The following ZNF329 variants were observed in gnomAD, a reference collection of about 807,000 sequenced individuals.
ZNF329 encodes the protein zinc finger protein 329.
A neutral mutation model predicts 26.6 loss-of-function variants in ZNF329; 15 were observed. The ratio of observed to expected loss-of-function variants is 0.56; its 90% CI spans 0.38 to 0.87. The LOEUF is 0.87. ZNF329 is among the 40% of genes least tolerant of loss of function. ZNF329 has a pLI of 0.00. For synonymous variants in ZNF329, 239 were observed against 233.5 expected (o/e 1.02, Z -0.21); for missense variants, 651 against 651.9 (o/e 1.00, Z 0.02).
At chr19:58,146,089 T>TAGGA (rs2146122504) in intron 1 of ZNF329, among the ~76,000 whole-genome samples, 1 of 151,384 alleles carries the variant, frequency 6.6e-6, no homozygotes, top group South Asian at 2.1e-4. Context: ...GGATCCTGGA[T>TAGGA]TGGATCCTGG....
chr19:58,148,265 G>T (rs551180564), intron 1 of ZNF329, among the ~76,000 whole-genome samples: 2 of 150,686 alleles, frequency 1.3e-5, no homozygotes, highest in South Asian at 4.1e-4. Context: ...GCGGAAGGCC[G>T]CAGGGTCCTC....
upstream of ZNF329, among the ~76,000 whole-genome samples, chr19:58,154,491 T>G (rs1013514954): frequency 6.6e-6 from 1 of 152,192 alleles, no homozygotes; most frequent in Admixed American, 6.5e-5. Context: ...GCCTCTTCTT[T>G]CTGGTTGGTC....
chr19:58,135,965 C>T (rs557426717), intron 3 of ZNF329, among the ~76,000 whole-genome samples: 1 of 152,168 alleles, frequency 6.6e-6, no homozygotes. Context: ...CGCACGGTGG[C>T]TCATGCCTTG....
In ZNF329 at chr19:58,129,521, G is replaced by A; in HGVS notation, c.-8-10C>T. ...AATCTCATATCCCAAACTGCAAAAA[G>A]AAGAAAAATGCAGACTTAGGTATAT... On this transcript the variant is annotated splice_polypyrimidine_tract_variant and intron_variant, in intron 3 of 3. Transcript: ENST00000598312. The A allele has an allele frequency of 1.3e-6, 2 of 1,560,908 alleles. No homozygotes were observed. Among genetic ancestry groups the A allele is most frequent in the Admixed American group, 2.0e-5 (1 of 50,248 alleles).
upstream of ZNF329, among the ~76,000 whole-genome samples, chr19:58,153,174 A>G (rs1246816787): frequency 6.6e-6 from 1 of 152,016 alleles, no homozygotes; most frequent in Non-Finnish European, 1.5e-5. Context: ...CAGTGACAAG[A>G]TCTCAGCTCA....
At position 58,129,082 on chromosome 19, in the gene ZNF329, G is replaced by A. The variant is rs532147471; in HGVS notation, c.422C>T (p.Pro141Leu). 8.1e-6 allele frequency: 13 copies of A among 1,613,808 alleles called. No homozygotes were observed. In the African/African-American group the frequency reaches 1.1e-4, roughly 13 times the overall value. The change falls in exon 4 of 4, where the codon CCA becomes CTA. Residue 141 changes from proline (P) to leucine (L), a missense_variant. Transcript: ENST00000598312. Reference protein sequence around the residue: ...HSMEVIHGRNPVREKPYKYPE... With the variant: ...HSMEVIHGRNLVREKPYKYPE... ...GTATTTGTAGGGCTTCTCTCTCACT[G>A]GATTTCTTCCATGAATAACTTCCAT...
chr19:58,137,809 C>CAAAAA (rs72295173), intron 3 of ZNF329, among the ~76,000 whole-genome samples: 19 of 76,248 alleles, frequency 2.5e-4, no homozygotes, highest in Admixed American at 5.0e-4. Context: ...ACAAAAAATA[C>CAAAAA]AAAAAAAAAA....
At chr19:58,137,575 G>A (rs2075099400) in intron 3 of ZNF329, among the ~76,000 whole-genome samples, 1 of 151,226 alleles carries the variant, frequency 6.6e-6, no homozygotes, top group Non-Finnish European at 1.5e-5. Flanking sequence ...AATCGCAGCA[G>A]AAATTATGGA....
intron 3 of ZNF329, among the ~76,000 whole-genome samples, chr19:58,133,321 C>T (rs1275604067): frequency 1.3e-5 from 2 of 152,214 alleles, no homozygotes; most frequent in Non-Finnish European, 1.5e-5. Flanking sequence ...TGTGGTGGCT[C>T]ATACCTGTAC....
At chr19:58,140,590 A>T (rs2075163248) in intron 3 of ZNF329, among the ~76,000 whole-genome samples, 1 of 150,912 alleles carries the variant, frequency 6.6e-6, no homozygotes, top group Non-Finnish European at 1.5e-5. Context: ...TTTTTTGTAC[A>T]TTTTTTAGTA....
chr19:58,141,881 G>A (rs1245200563), intron 3 of ZNF329, among the ~76,000 whole-genome samples: 66 of 147,748 alleles, frequency 4.5e-4, no homozygotes, highest in African/African-American at 1.3e-3. Context: ...CAACAAGAGC[G>A]AACCTCCATC....
intron 3 of ZNF329, 21 bp from the exon 4 acceptor site, chr19:58,129,532 C>A (rs2146059570): frequency 6.4e-7 from 1 of 1,553,392 alleles, no homozygotes; most frequent in East Asian, 2.3e-5. Context: ...AAGAAAAATG[C>A]AGACTTAGGT....
At position 58,126,582 on chromosome 19, in the gene ZNF329, A is replaced by C. The variant is rs1049651796; in HGVS notation, c.*1296T>G. On this transcript the variant is annotated 3_prime_UTR_variant, in exon 4 of 4. Transcript: ENST00000598312. ...GATAACATAAACATAACAACTCAGT[A>C]TTTTTGCTTCAACAACTAAAGCAAC... The C allele has an allele frequency of 1.3e-5, 2 of 152,184 alleles. No individual in the cohort carries two copies. The highest frequency in any genetic ancestry group is 6.5e-5 in the Admixed American group (1 of 15,276). The allele number at this position is 152,184 out of a possible 1,614,324, so 9.4% of individuals were successfully genotyped here. A position where few individuals can be genotyped will look rare whatever the true frequency, so the allele number is the denominator to read the frequency against.
rs781693341 is a variant in ZNF329 at position 58,128,474 on chromosome 19, C to G, written c.1030G>C (p.Glu344Gln). ...AAAGCCTTTCCACATTTGCTACACTCATAGGGCTTCTCACCGGTGTGGATT... is the reference window on the plus strand; with the variant it reads ...AAAGCCTTTCCACATTTGCTACACTGATAGGGCTTCTCACCGGTGTGGATT... ...LRIHTGEKPY[E>Q]CSKCGKAFRD... The change falls in exon 4 of 4, where the codon GAG becomes CAG. Residue 344 changes from glutamate (E) to glutamine (Q), a missense_variant. Coordinates refer to ENST00000598312, the MANE Select transcript of ZNF329 (RefSeq NM_024620.4). 6.2e-7 allele frequency: 1 copy of G among 1,613,648 alleles called. No homozygotes were observed. The highest frequency in any genetic ancestry group is 8.5e-7 in the Non-Finnish European group (1 of 1,179,712).
At chr19:58,154,391 C>G (rs1263966793), upstream of ZNF329, among the ~76,000 whole-genome samples, 1 of 152,142 alleles carries the variant, frequency 6.6e-6, no homozygotes, top group Non-Finnish European at 1.5e-5. Context: ...ACAGCACTTG[C>G]GCCCAGGGAT....
At chr19:58,139,341 A>G (rs2075136373) in intron 3 of ZNF329, among the ~76,000 whole-genome samples, 1 of 152,218 alleles carries the variant, frequency 6.6e-6, no homozygotes, top group East Asian at 1.9e-4. Context: ...ATTTTTAGAA[A>G]TGGGCGAAGG....
Position 58,129,449 on chromosome 19 carries a change from C to T in ZNF329, c.55G>A (p.Val19Ile), listed in dbSNP as rs2074887456. Residue 19 changes from valine to isoleucine, a missense_variant, in exon 4 of 4, where the codon GTA becomes ATA. Physicochemically the swap from Val to Ile is conservative, Grantham distance 29. Transcript: ENST00000598312. ...TCCCTTGTGAATCTTTCCACTTCTACATCACAGGGTACTTCTCTCTCAGGA... is the reference window on the plus strand; with the variant it reads ...TCCCTTGTGAATCTTTCCACTTCTATATCACAGGGTACTTCTCTCTCAGGA... Reference protein sequence around the residue: ...NFPEREVPCDVEVERFTREVP... With the variant: ...NFPEREVPCDIEVERFTREVP... 2 of 1,613,896 alleles carry T rather than the reference C, an allele frequency of 1.2e-6. No homozygotes were observed. The highest frequency in any genetic ancestry group is 1.7e-6 in the Non-Finnish European group (2 of 1,179,906).
chr19:58,139,980 C>T (rs2075149251), intron 3 of ZNF329, among the ~76,000 whole-genome samples: 1 of 152,174 alleles, frequency 6.6e-6, no homozygotes, highest in Non-Finnish European at 1.5e-5. Context: ...TGATGATTCT[C>T]AAAAAGGAAA....
chr19:58,143,002 G>C (rs1166930015), intron 2 of ZNF329, 103 bp downstream of exon 2: 1 of 152,590 alleles, frequency 6.6e-6, no homozygotes, highest in East Asian at 1.9e-4. Context: ...TGTAATACCA[G>C]CACTTTGGGA....
Sources: allele counts gnomAD v4.1 joint callset (sites outside exome capture counted in the v4.1 genomes callset), GRCh38; gene constraint gnomAD v4.1.1; transcripts MANE v1.5; gene names NCBI Gene and HGNC (gene_info 2026-07-23, HGNC 2026-07-21).